Variants in CCDC69 observed in about 807,000 individuals in gnomAD.
CCDC69 encodes coiled-coil domain-containing protein 69.
Under a neutral mutation model 40.3 loss-of-function variants are expected in CCDC69, and 38 were observed. That is an observed-to-expected ratio of 0.94 (90% confidence interval 0.73 to 1.24). CCDC69 has a LOEUF of 1.24. Ranked by LOEUF, CCDC69 falls within the 50% of genes most tolerant of loss-of-function variation. The probability of loss-of-function intolerance (pLI) is 0.00; values close to 1 mark genes in which losing one functional copy is unlikely to be tolerated. For missense variants in CCDC69, 389 were observed against 357.9 expected (o/e 1.09, Z -0.70); for synonymous variants, 141 against 138.9 (o/e 1.02, Z -0.11).
chr5:151,199,775 A>G (rs1752752083), intron 3 of CCDC69, among the ~76,000 whole-genome samples: 1 of 152,164 alleles, frequency 6.6e-6, no homozygotes, highest in Admixed American at 6.5e-5. Flanking sequence ...AAGGTTAAGG[A>G]TTCCACAGGT....
intron 1 of CCDC69, among the ~76,000 whole-genome samples, chr5:151,209,293 G>T (rs1752895601): frequency 6.6e-6 from 1 of 152,208 alleles, no homozygotes; most frequent in Admixed American, 6.5e-5. Flanking sequence ...CAAGAACAAA[G>T]ATCCCACGTC....
At chr5:151,195,134 G>A (rs1752679551) in intron 4 of CCDC69, among the ~76,000 whole-genome samples, 1 of 152,074 alleles carries the variant, frequency 6.6e-6, no homozygotes, top group Non-Finnish European at 1.5e-5. Flanking sequence ...ATAGACTTAT[G>A]TAGCACTTAG....
chr5:151,224,081 G>C lies in CCDC69; in HGVS notation c.-111C>G. ...GCCCGCCGGCTGGGGCTGCCGGCGA[G>C]ACCCTGAAACTGAACCTGGAAGCGC... On this transcript the variant is annotated 5_prime_UTR_variant, in exon 1 of 9. Coordinates refer to ENST00000355417, the MANE Select transcript of CCDC69 (RefSeq NM_015621.3). 1.0e-6 allele frequency: 1 copy of C among 985,702 alleles called. No homozygotes were observed. The highest frequency in any genetic ancestry group is 1.7e-5 in the South Asian group (1 of 57,646). 61.1% of individuals were successfully genotyped at this position (985,702 alleles called of 1,614,324 possible).
intron 7 of CCDC69, 158 bp from the exon 8 acceptor site, chr5:151,184,599 C>T: frequency 3.6e-6 from 2 of 561,948 alleles, no homozygotes; most frequent in Admixed American, 3.1e-5. Flanking sequence ...AAAAGTAAAA[C>T]TAAAAAGTTA....
intron 8 of CCDC69, 106 bp downstream of exon 8, chr5:151,184,237 TG>T: frequency 1.2e-6 from 1 of 809,822 alleles, no homozygotes; most frequent in South Asian, 1.5e-5. Flanking sequence ...AAATAGGCCC[TG>T]GGCCCACCTG....
chr5:151,191,047 C>T (rs138224504), intron 4 of CCDC69, among the ~76,000 whole-genome samples: 7 of 151,854 alleles, frequency 4.6e-5, no homozygotes, highest in African/African-American at 1.2e-4. Flanking sequence ...GTACTATACC[C>T]GTGTAACAAA....
At chr5:151,191,944 A>T (rs757074664) in intron 4 of CCDC69, among the ~76,000 whole-genome samples, 34 of 151,740 alleles carry the variant, frequency 2.2e-4, no homozygotes, top group Non-Finnish European at 4.4e-4. Flanking sequence ...TTAGCTGGCT[A>T]GGTGTGGTGG....
chr5:151,192,585 G>T (rs248439), intron 4 of CCDC69, among the ~76,000 whole-genome samples: 67,712 of 151,956 alleles, frequency 0.45, 15,741 homozygotes, highest in Admixed American at 0.57. Flanking sequence ...TGAAAAATTC[G>T]ATTAAACATT....
chr5:151,202,190 TAAA>T lies in CCDC69; in HGVS notation c.125-505_125-503del, dbSNP rs5872193. ...AGGAAACATAGTGAGACCCTATCTC[TAAA>T]AAAAAAAAAAAAAAAAAAAAAGCTG... On this transcript the variant is annotated intron_variant, in intron 2 of 8. Transcript: ENST00000355417. Among the ~76,000 whole-genome samples the T allele has an allele frequency of 1.9e-4, 21 of 111,548 alleles. 1 individual carries two copies. Among genetic ancestry groups the T allele is most frequent in the Admixed American group, 3.5e-4 (4 of 11,386 alleles). The allele number at this position is 111,548 out of a possible 152,430, so 73.2% of individuals were successfully genotyped here.
At chr5:151,223,150 C>T (rs1176633458) in intron 1 of CCDC69, among the ~76,000 whole-genome samples, 1 of 152,204 alleles carries the variant, frequency 6.6e-6, no homozygotes, top group Non-Finnish European at 1.5e-5. Flanking sequence ...CAGGCTCTGA[C>T]CTTCTGGGCT....
At chr5:151,219,690 A>G (rs981434356) in intron 1 of CCDC69, among the ~76,000 whole-genome samples, 24 of 152,354 alleles carry the variant, frequency 1.6e-4, no homozygotes, top group Non-Finnish European at 2.6e-4. Flanking sequence ...AAAGAATGAC[A>G]CTGAAATGTA....
At chr5:151,188,093 C>T (rs1752552796) in intron 4 of CCDC69, among the ~76,000 whole-genome samples, 1 of 152,202 alleles carries the variant, frequency 6.6e-6, no homozygotes, top group South Asian at 2.1e-4. Flanking sequence ...CAGGGCGGTG[C>T]TGTACACAGC....
intron 3 of CCDC69, among the ~76,000 whole-genome samples, chr5:151,201,264 C>T (rs559516559): frequency 9.8e-5 from 15 of 152,316 alleles, no homozygotes; most frequent in Non-Finnish European, 1.3e-4. Context: ...TCAGCCAGAA[C>T]GAGTTCCGTG....
At chr5:151,198,421 C>T (rs1410858204) in intron 4 of CCDC69, among the ~76,000 whole-genome samples, 5 of 152,042 alleles carry the variant, frequency 3.3e-5, no homozygotes, top group African/African-American at 4.8e-5. Context: ...TGCTATGTTG[C>T]CCAGGTTAGT....
chr5:151,212,800 G>T (rs1405496658), intron 1 of CCDC69: 1 of 456,014 alleles, frequency 2.2e-6, no homozygotes, highest in Non-Finnish European at 4.4e-6. Flanking sequence ...GTCATCTACA[G>T]CCTTGGAGGA....
chr5:151,211,338 A>G (rs1400178588), intron 1 of CCDC69, among the ~76,000 whole-genome samples: 1 of 152,188 alleles, frequency 6.6e-6, no homozygotes, highest in African/African-American at 2.4e-5. Flanking sequence ...GGGCTCCTGA[A>G]GGACAGGATT....
chr5:151,205,436 C>T lies in CCDC69; in HGVS notation c.88G>A (p.Glu30Lys), dbSNP rs985280986. 5.6e-6 allele frequency: 9 copies of T among 1,614,020 alleles called. No individual in the cohort carries two copies. Among genetic ancestry groups the T allele is most frequent in the Non-Finnish European group, 6.8e-6 (8 of 1,180,020 alleles). Residue 30 changes from glutamate to lysine, a missense_variant, in exon 2 of 9, where the codon GAG (glutamate) becomes AAG (lysine). Glu to Lys is a moderately conservative substitution (Grantham distance 56). Coordinates refer to ENST00000355417, the MANE Select transcript of CCDC69 (RefSeq NM_015621.3). Reference protein sequence around the residue: ...EPEPEQPPRPEPHELGPLNGD... With the variant: ...EPEPEQPPRPKPHELGPLNGD... ...TTGAGGGGACCTAATTCATGGGGCTCTGGTCTGGGTGGCTGTTCTGGTTCT... is the reference window on the plus strand; with the variant it reads ...TTGAGGGGACCTAATTCATGGGGCTTTGGTCTGGGTGGCTGTTCTGGTTCT...
chr5:151,211,131 T>C (rs1033369348), intron 1 of CCDC69: 2 of 152,258 alleles, frequency 1.3e-5, no homozygotes, highest in Admixed American at 6.5e-5. Flanking sequence ...GTTCGAGACA[T>C]CTTACATGCT....
intron 4 of CCDC69, among the ~76,000 whole-genome samples, chr5:151,194,546 C>A (rs1752667074): frequency 6.6e-6 from 1 of 152,136 alleles, no homozygotes; most frequent in African/African-American, 2.4e-5. Flanking sequence ...TTTGAGACGG[C>A]TTTTTGGGAG....
Sources: allele counts gnomAD v4.1 joint callset (sites outside exome capture counted in the v4.1 genomes callset), GRCh38; gene constraint gnomAD v4.1.1; transcripts MANE v1.5; gene names NCBI Gene and HGNC (gene_info 2026-07-23, HGNC 2026-07-21).